Variants in RIN1 observed in about 807,000 individuals in gnomAD.
RIN1 encodes ras inhibitor 1.
RIN1 carries 52 observed loss-of-function variants against 64.9 expected under a neutral mutation model. The observed-to-expected ratio is 0.80, with a 90% CI of 0.64 to 1.01. The LOEUF (loss-of-function observed/expected upper bound fraction) is 1.01. Among genes scored for constraint, RIN1 ranks in the 50% least tolerant of loss-of-function variants. RIN1 has a pLI of 0.00. For missense variants in RIN1, 1,040 were observed against 1,064.5 expected (o/e 0.98, Z 0.32); for synonymous variants, 486 against 483.6 (o/e 1.00, Z -0.06).
intron 5 of RIN1, 49 bp downstream of exon 5, chr11:66,335,358 C>G (rs1247671384): frequency 7.7e-6 from 12 of 1,559,732 alleles, no homozygotes; most frequent in Non-Finnish European, 7.8e-6. Flanking sequence ...TTGCCTTCCC[C>G]TCGGCCTCAG....
In RIN1 at chr11:66,335,031, G is replaced by T. The variant is rs1417960516; in HGVS notation, c.768C>A (p.Pro256=). 6.5e-7 allele frequency: 1 copy of T among 1,534,842 alleles called. No individual in the cohort carries two copies. Among genetic ancestry groups the T allele is most frequent in the Non-Finnish European group, 8.8e-7 (1 of 1,142,806 alleles). The change falls in exon 6 of 10, where the codon CCC becomes CCA. Residue 256 remains proline (P), a synonymous_variant. Coordinates refer to ENST00000311320, the MANE Select transcript of RIN1 (RefSeq NM_004292.3). Reference sequence around the variant, plus strand: ...GAGGTGGCACGGCAGGTGGAGACAGGGGGCTGGAGGTCTCTGTGGACACGC... The same window carrying T: ...GAGGTGGCACGGCAGGTGGAGACAGTGGGCTGGAGGTCTCTGTGGACACGC... The part of the protein sequence containing the change: ...KVRVSTETSS[P]LSPPAVPPPP...
Position 66,334,151 on chromosome 11 carries a change from C to A in RIN1, c.1359G>T (p.Arg453=). The A allele has an allele frequency of 6.5e-7, 1 of 1,540,110 alleles. No individual in the cohort carries two copies. The change falls in exon 7 of 10, where the codon CGG becomes CGT. Residue 453 remains arginine, a synonymous_variant. Coordinates refer to ENST00000311320, the MANE Select transcript of RIN1 (RefSeq NM_004292.3). ...GGGAGCCGTCTGCGGCAAGCCGGCG[C>A]CGCAGGCGGGCTGCCAGGATGGGCC... ...PLRPILAARL[R]RRLAADGSLG...
chr11:66,335,637 T>C lies in RIN1; in HGVS notation c.428A>G (p.Gln143Arg). 4 of 1,613,730 alleles carry C rather than the reference T, an allele frequency of 2.5e-6. No individual in the cohort carries two copies. Among genetic ancestry groups the C allele is most frequent in the Non-Finnish European group, 1.7e-6 (2 of 1,179,860 alleles). ...GGTGTGGCAGTAGGCACAGATGAGCTGGACTAGGTCTGGGAACATGAGCTC... is the reference window on the plus strand; with the variant it reads ...GGTGTGGCAGTAGGCACAGATGAGCCGGACTAGGTCTGGGAACATGAGCTC... ...GSELMFPDLV[Q>R]LICAYCHTRD... Residue 143 changes from glutamine (Q) to arginine (R), a missense_variant, in exon 4 of 10, where the codon CAG (glutamine) becomes CGG (arginine). Transcript: ENST00000311320.
At chr11:66,333,434 G>A (rs199607207) in intron 8 of RIN1, 25 bp from the exon 9 acceptor site, 13 of 1,603,820 alleles carry the variant, frequency 8.1e-6, no homozygotes, top group East Asian at 4.5e-5. Flanking sequence ...GGAAGAACAC[G>A]GCTCAGGCTG....
upstream of RIN1, chr11:66,336,704 G>T (rs746998302): frequency 1.9e-4 from 75 of 393,336 alleles, no homozygotes; most frequent in Non-Finnish European, 3.0e-4. Context: ...GTGGTTAAGC[G>T]GCCTCAGTCC....
chr11:66,334,501 G>A lies in RIN1; in HGVS notation c.1285+13C>T, dbSNP rs757496046. On this transcript the variant is annotated intron_variant, in intron 6 of 9. Transcript: ENST00000311320. ...TGGGGCAGTGCTGGAGCTATGGAGA[G>A]ACGGAGCCTCACCCAGCCTCTTAGG... is the stretch of plus-strand genomic sequence containing the variant. 8 of 1,595,090 alleles carry A rather than the reference G, an allele frequency of 5.0e-6. No individual in the cohort carries two copies. The highest frequency in any genetic ancestry group is 6.0e-6 in the Non-Finnish European group (7 of 1,172,532).
At position 66,334,723 on chromosome 11, in the gene RIN1, GC is replaced by G; in HGVS notation, c.1075del (p.Ala359HisfsTer13). 6.5e-7 allele frequency: 1 copy of G among 1,549,682 alleles called. No homozygotes were observed. Among genetic ancestry groups the G allele is most frequent in the Non-Finnish European group, 8.7e-7 (1 of 1,147,736 alleles). ...AGCCCGGCCCACCTGCCGCTCCGGT[GC>G]CAGTAGGGAGCAGAAGGCGGCGCTC... ...SMSAAFCSLL[A>X]PERQVGRAAA... On this transcript the variant is annotated frameshift_variant, in exon 6 of 10. Transcript: ENST00000311320. LOFTEE classifies it high-confidence loss of function.
At chr11:66,333,729 C>A in intron 7 of RIN1, 71 bp from the exon 8 acceptor site, 2 of 1,535,458 alleles carry the variant, frequency 1.3e-6, no homozygotes, top group Non-Finnish European at 1.8e-6. Flanking sequence ...CCTCCCCATG[C>A]CCTAGCAACC....
rs775028279 is a variant in RIN1, at chr11:66,332,758, CAGG to C, written c.1876-9_1876-7del. ...TAGGCTACTCGGAGGAGGTGCTATGCAGGAGGAGAAGCAAAAACAAGTACTCAG... is the reference window on the plus strand; with the variant it reads ...TAGGCTACTCGGAGGAGGTGCTATGCAGGAGAAGCAAAAACAAGTACTCAG... On this transcript the variant is annotated splice_region_variant and splice_polypyrimidine_tract_variant and intron_variant, in intron 9 of 9. Transcript: ENST00000311320. The C allele has an allele frequency of 8.0e-6, 12 of 1,506,700 alleles. No individual in the cohort carries two copies. Among genetic ancestry groups the C allele is most frequent in the African/African-American group, 5.6e-5 (4 of 71,522 alleles). The allele number at this position is 1,506,700 out of a possible 1,614,324, so 93.3% of individuals were successfully genotyped here.
At position 66,332,386 on chromosome 11, in the gene RIN1, T is replaced by C. The variant is rs765082743; in HGVS notation, c.2242A>G (p.Ile748Val). Residue 748 changes from isoleucine (I) to valine (V), a missense_variant, in exon 10 of 10, where the codon ATT becomes GTT. Coordinates refer to ENST00000311320, the MANE Select transcript of RIN1 (RefSeq NM_004292.3). Reference sequence around the variant, plus strand: ...GCAGTTGTCTCAGACTGTTCCCGAATGTCCCTGGGGCTGGCTTTGACCCCA... The same window carrying C: ...GCAGTTGTCTCAGACTGTTCCCGAACGTCCCTGGGGCTGGCTTTGACCCCA... ...DAGVKASPRD[I>V]REQSETTAEG... The C allele has an allele frequency of 6.2e-6, 10 of 1,614,180 alleles. No individual in the cohort carries two copies. The East Asian group carries it at 6.7e-5, about 11-fold the overall frequency.
rs552992108 is a variant in RIN1, at chr11:66,332,585, G to A, written c.2043C>T (p.Tyr681=). The part of the protein sequence containing the change: ...FGLFLYKEQG[Y]HRLPPGALAH... ...CCAGGGCCCCAGGGGGCAGGCGGTGGTAGCCCTGCTCCTTGTACAGGAAGA... is the reference window on the plus strand; with the variant it reads ...CCAGGGCCCCAGGGGGCAGGCGGTGATAGCCCTGCTCCTTGTACAGGAAGA... Residue 681 remains tyrosine (Y), a synonymous_variant, in exon 10 of 10, where the codon TAC becomes TAT. Coordinates refer to ENST00000311320, the MANE Select transcript of RIN1 (RefSeq NM_004292.3). 1.2e-6 allele frequency: 2 copies of A among 1,611,152 alleles called. No individual in the cohort carries two copies. Among genetic ancestry groups the A allele is most frequent in the Non-Finnish European group, 1.7e-6 (2 of 1,178,148 alleles).
Position 66,332,596 on chromosome 11 carries a change from C to T in RIN1, c.2032G>A (p.Glu678Lys). ...GGGGGCAGGCGGTGGTAGCCCTGCT[C>T]CTTGTACAGGAAGAGGCCAAAAGTG... is the stretch of plus-strand genomic sequence containing the variant. The part of the protein sequence containing the change: ...PNTFGLFLYK[E>K]QGYHRLPPGA... The change falls in exon 10 of 10, where the codon GAG becomes AAG. Residue 678 changes from glutamate to lysine, a missense_variant. Transcript: ENST00000311320. The T allele has an allele frequency of 1.2e-6, 2 of 1,608,772 alleles. No individual in the cohort carries two copies. The highest frequency in any genetic ancestry group is 2.2e-5 in the South Asian group (2 of 90,566).
At chr11:66,334,476 T>A in intron 6 of RIN1, 38 bp downstream of exon 6, 1 of 1,586,700 alleles carries the variant, frequency 6.3e-7, no homozygotes. Context: ...GAGGGTCGGA[T>A]GGGGCAGTGC....
In RIN1 at chr11:66,331,662, A is replaced by G. The variant is rs1276822815; in HGVS notation, c.*614T>C. On this transcript the variant is annotated 3_prime_UTR_variant, in exon 10 of 10. Transcript: ENST00000311320. ...CATGAGCTCTGCTTGTAGCAAAATC[A>G]CCCATTTTGATCACTGGGACACTTC... 1.3e-5 allele frequency: 2 copies of G among 152,212 alleles called. No individual in the cohort carries two copies. Among genetic ancestry groups the G allele is most frequent in the African/African-American group, 4.8e-5 (2 of 41,364 alleles). The allele number at this position is 152,212 out of a possible 1,614,324, so 9.4% of individuals were successfully genotyped here.
chr11:66,335,479 G>A lies in RIN1; in HGVS notation c.475C>T (p.Leu159=), dbSNP rs1414324747. The change falls in exon 5 of 10, where the codon CTG becomes TTG. Residue 159 remains leucine, a synonymous_variant. Transcript: ENST00000311320. ...TGGTGGATGGCTCTGGGGAGCTGCA[G>A]CGGGAGGAGAAGGATGTCCCTGAGG... ...CHTRDILLLP[L]QLPRAIHHAA... 6.2e-7 allele frequency: 1 copy of A among 1,613,862 alleles called. No individual in the cohort carries two copies. Among genetic ancestry groups the A allele is most frequent in the Non-Finnish European group, 8.5e-7 (1 of 1,179,808 alleles).
upstream of RIN1, chr11:66,336,481 T>C: frequency 7.7e-7 from 1 of 1,291,296 alleles, no homozygotes; most frequent in East Asian, 2.5e-5. Flanking sequence ...TAACACTTCC[T>C]GAGGGCGGTC....
chr11:66,332,446 C>T lies in RIN1; in HGVS notation c.2182G>A (p.Gly728Arg), dbSNP rs1333413304. The T allele has an allele frequency of 1.9e-6, 3 of 1,614,098 alleles. No homozygotes were observed. The highest frequency in any genetic ancestry group is 1.1e-5 in the South Asian group (1 of 91,086). The change falls in exon 10 of 10, where the codon GGG becomes AGG. Residue 728 changes from glycine (G) to arginine (R), a missense_variant. Physicochemically the swap from Gly to Arg is moderately radical, Grantham distance 125. Transcript: ENST00000311320. ...GSGQSEARSR[G>R]EEQGCQGDGD... is the part of the protein sequence containing the mutation. ...TCTCCCTGGCACCCTTGCTCCTCCCCTCTGCTTCTTGCCTCTGACTGCCCA... is the reference window on the plus strand; with the variant it reads ...TCTCCCTGGCACCCTTGCTCCTCCCTTCTGCTTCTTGCCTCTGACTGCCCA...
intron 6 of RIN1, 119 bp from the exon 7 acceptor site, chr11:66,334,343 C>T: frequency 1.6e-6 from 2 of 1,226,562 alleles, no homozygotes; most frequent in Non-Finnish European, 2.2e-6. Context: ...GAGGAGGTAG[C>T]CTGGGTGAGA....
In RIN1 at chr11:66,332,099, C is replaced by G; in HGVS notation, c.*177G>C. 1.5e-6 allele frequency: 1 copy of G among 684,620 alleles called. No homozygotes were observed. The highest frequency in any genetic ancestry group is 2.5e-6 in the Non-Finnish European group (1 of 401,334). The allele number at this position is 684,620 out of a possible 1,614,324, so 42.4% of individuals were successfully genotyped here. On this transcript the variant is annotated 3_prime_UTR_variant, in exon 10 of 10. Coordinates refer to ENST00000311320, the MANE Select transcript of RIN1 (RefSeq NM_004292.3). ...AGTCTGGGGGCCCCCGAAGCCCCCT[C>G]ATCTTTATTCCAGTTCCTCAGATGT...
Sources: gnomAD v4.1 joint callset for allele counts on GRCh38, gnomAD v4.1.1 for gene constraint, MANE v1.5 for transcripts, NCBI Gene and HGNC (gene_info 2026-07-23, HGNC 2026-07-21) for gene names.